DPH2: variants seen among roughly 807,000 people sequenced by gnomAD.
DPH2 encodes 2-(3-amino-3-carboxypropyl)histidine synthase subunit 2.
In DPH2, 28 loss-of-function variants were observed where a neutral mutation model predicts 42.5. That is an observed-to-expected ratio of 0.66 (90% CI 0.49 to 0.90). The LOEUF is 0.90. Among genes scored for constraint, DPH2 ranks in the 40% least tolerant of loss-of-function variants. The pLI is 0.00. For synonymous variants in DPH2, 279 were observed against 264.4 expected, an observed-to-expected ratio of 1.06 and a Z score of -0.53; for missense variants, 576 against 636.0, an observed-to-expected ratio of 0.91 and a Z score of 1.01.
In DPH2 at chr1:43,970,289, C is replaced by G. The variant is rs2085392073; in HGVS notation, c.114C>G (p.Val38=). 1 of 1,614,182 alleles carries G rather than the reference C, an allele frequency of 6.2e-7. No individual in the cohort carries two copies. The change falls in exon 1 of 6, where the codon GTC becomes GTG. Residue 38 remains valine (V), a synonymous_variant. Transcript: ENST00000255108. ...ACGGAGTGTACGAGCTGGAGCGAGT[C>G]GCTGGATTTGTCCGCGACCTGGGGT... is the stretch of plus-strand genomic sequence containing the variant. ...DLDGVYELER[V]AGFVRDLGCE... is the part of the protein sequence containing the mutation.
rs1248341715 is a variant in DPH2, at chr1:43,970,956, T to C, written c.261-10T>C. The C allele has an allele frequency of 6.4e-7, 1 of 1,568,572 alleles. No homozygotes were observed. Among genetic ancestry groups the C allele is most frequent in the East Asian group, 2.3e-5 (1 of 42,944 alleles). On this transcript the variant is annotated splice_polypyrimidine_tract_variant and intron_variant, in intron 2 of 5. Coordinates refer to ENST00000255108, the MANE Select transcript of DPH2 (RefSeq NM_001384.5). ...GAGAACCCATTTCTCTGATGCTATC[T>C]TCCCTGCAGCTGCTGCGTGGATGTG...
chr1:43,972,300 G>A lies in DPH2; in HGVS notation c.1311G>A (p.Arg437=), dbSNP rs754556372. The A allele has an allele frequency of 1.9e-6, 3 of 1,614,108 alleles. No homozygotes were observed. The highest frequency in any genetic ancestry group is 4.5e-5 in the East Asian group (2 of 44,890). ...ATGGAAGCTTGGCTCTGACCCCACG[G>A]CCCCAGCTGGAGCTGGCTGAGAGCA... ...NDHGSLALTP[R]PQLELAESSP... is the part of the protein sequence containing the mutation. Residue 437 remains arginine (R), a synonymous_variant, in exon 5 of 6, where the codon CGG becomes CGA. Transcript: ENST00000255108.
Position 43,971,053 on chromosome 1 carries a change from C to A in DPH2, c.348C>A (p.Arg116=). Residue 116 remains arginine, a synonymous_variant, in exon 3 of 6, where the codon CGC becomes CGA. Coordinates refer to ENST00000255108, the MANE Select transcript of DPH2 (RefSeq NM_001384.5). The stretch of plus-strand genomic sequence containing the variant: ...CTGCCTGCTTAAGCCCTCCAGCCCG[C>A]CCACTGCCCGTTGCCTTCGTGCTTC... ...FGPACLSPPA[R]PLPVAFVLRQ... The A allele has an allele frequency of 6.3e-7, 1 of 1,575,994 alleles. No individual in the cohort carries two copies. Among genetic ancestry groups the A allele is most frequent in the Admixed American group, 1.9e-5 (1 of 53,744 alleles).
Position 43,971,183 on chromosome 1 carries a change from G to A in DPH2, c.478G>A (p.Ala160Thr), listed in dbSNP as rs796905535. ...GCTGAGTGAGCCGGCCTGTGCCCAT[G>A]CCCTGGGTAAGGGGTTTTGCCTGTG... Reference protein sequence around the residue: ...VLLSEPACAHALEALATLLRP... With the variant: ...VLLSEPACAHTLEALATLLRP... Residue 160 changes from alanine to threonine, a missense_variant, in exon 3 of 6, where the codon GCC (alanine) becomes ACC (threonine). Ala to Thr is a moderately conservative substitution (Grantham distance 58, BLOSUM62 0). Transcript: ENST00000255108. 1.3e-6 allele frequency: 2 copies of A among 1,553,960 alleles called. No homozygotes were observed. Among genetic ancestry groups the A allele is most frequent in the Non-Finnish European group, 1.7e-6 (2 of 1,147,950 alleles).
rs1364730673 is a variant in DPH2 at position 43,970,032 on chromosome 1, G to C, written c.-144G>C. 4 of 908,412 alleles carry C rather than the reference G, an allele frequency of 4.4e-6. No individual in the cohort carries two copies. The highest frequency in any genetic ancestry group is 1.7e-5 in the South Asian group (1 of 58,408). 56.3% of individuals were successfully genotyped at this position (908,412 alleles called of 1,614,324 possible). A position where few individuals can be genotyped will look rare whatever the true frequency, so the allele number is the denominator to read the frequency against. Reference sequence around the variant, plus strand: ...AACAGTAGTTAGGATGGCTGAAGGGGATACTCACCGGCTGAAGGCCGACTG... The same window carrying C: ...AACAGTAGTTAGGATGGCTGAAGGGCATACTCACCGGCTGAAGGCCGACTG... On this transcript the variant is annotated 5_prime_UTR_variant, in exon 1 of 6. Coordinates refer to ENST00000255108, the MANE Select transcript of DPH2 (RefSeq NM_001384.5).
chr1:43,971,195 G>C lies in DPH2; in HGVS notation c.484+6G>C. On this transcript the variant is annotated splice_donor_region_variant and intron_variant, in intron 3 of 5. Transcript: ENST00000255108. ...GGCCTGTGCCCATGCCCTGGGTAAG[G>C]GGTTTTGCCTGTGTATGCACAAAGG... 1 of 1,551,614 alleles carries C rather than the reference G, an allele frequency of 6.4e-7. No individual in the cohort carries two copies. Among genetic ancestry groups the C allele is most frequent in the South Asian group, 1.2e-5 (1 of 84,442 alleles).
chr1:43,972,593 T>C lies in DPH2; in HGVS notation c.*54T>C, dbSNP rs1224933289. The C allele has an allele frequency of 1.9e-6, 3 of 1,605,318 alleles. No homozygotes were observed. In the East Asian group the frequency reaches 6.7e-5, roughly 36 times the overall value. ...ACTTATGAATGGCTGCTAGGACCTT[T>C]AGTGCTCCCTGCACCAACCTCCCAT... On this transcript the variant is annotated 3_prime_UTR_variant, in exon 6 of 6. Coordinates refer to ENST00000255108, the MANE Select transcript of DPH2 (RefSeq NM_001384.5).
chr1:43,972,611 C>A lies in DPH2; in HGVS notation c.*72C>A. On this transcript the variant is annotated 3_prime_UTR_variant, in exon 6 of 6. Transcript: ENST00000255108. Reference sequence around the variant, plus strand: ...GGACCTTTAGTGCTCCCTGCACCAACCTCCCATCCCCCTGCCAAGATCCTT... The same window carrying A: ...GGACCTTTAGTGCTCCCTGCACCAAACTCCCATCCCCCTGCCAAGATCCTT... 1.3e-6 allele frequency: 2 copies of A among 1,580,280 alleles called. No homozygotes were observed. Among genetic ancestry groups the A allele is most frequent in the Non-Finnish European group, 8.6e-7 (1 of 1,160,072 alleles).
At chr1:43,971,239 G>T (rs752386173) in intron 3 of DPH2, 50 bp downstream of exon 3, 1 of 1,534,240 alleles carries the variant, frequency 6.5e-7, no homozygotes, top group South Asian at 1.2e-5. Flanking sequence ...ACTGCTTTAT[G>T]CCTTAATTTC....
rs374553539 is a variant in DPH2 at position 43,971,012 on chromosome 1, C to T, written c.307C>T (p.Leu103Phe). 5.0e-6 allele frequency: 8 copies of T among 1,586,176 alleles called. No homozygotes were observed. The highest frequency in any genetic ancestry group is 2.7e-5 in the African/African-American group (2 of 74,620). ...LGAEQAGAQA[L>F]IHFGPACLSP... is the part of the protein sequence containing the mutation. ...TGCTGAGCAAGCTGGAGCTCAGGCTCTCATACATTTTGGCCCTGCCTGCTT... is the reference window on the plus strand; with the variant it reads ...TGCTGAGCAAGCTGGAGCTCAGGCTTTCATACATTTTGGCCCTGCCTGCTT... Residue 103 changes from leucine (L) to phenylalanine (F), a missense_variant, in exon 3 of 6, where the codon CTC (leucine) becomes TTC (phenylalanine). By Grantham distance (22) the Leu-to-Phe change is conservative. Transcript: ENST00000255108.
Position 43,971,196 on chromosome 1 carries a change from G to A in DPH2, c.484+7G>A. The A allele has an allele frequency of 1.9e-6, 3 of 1,551,282 alleles. No homozygotes were observed. In the East Asian group the frequency reaches 7.3e-5, roughly 38 times the overall value. On this transcript the variant is annotated splice_region_variant and intron_variant, in intron 3 of 5. Coordinates refer to ENST00000255108, the MANE Select transcript of DPH2 (RefSeq NM_001384.5). The stretch of plus-strand genomic sequence containing the variant: ...GCCTGTGCCCATGCCCTGGGTAAGG[G>A]GTTTTGCCTGTGTATGCACAAAGGG...
rs1452205406 is a variant in DPH2 at position 43,972,348 on chromosome 1, T to G, written c.1345+14T>G. ...GCAGTCCTGCAGGTAAATGTACAAG[T>G]CTCCACTCCCAGCTGAGCTTTTTCT... On this transcript the variant is annotated intron_variant, in intron 5 of 5. Transcript: ENST00000255108. The G allele has an allele frequency of 1.9e-6, 3 of 1,613,488 alleles. No individual in the cohort carries two copies. The highest frequency in any genetic ancestry group is 2.5e-6 in the Non-Finnish European group (3 of 1,179,606).
rs778150713 is a variant in DPH2 at position 43,971,633 on chromosome 1, G to A, written c.731G>A (p.Gly244Asp). ...LSRLLLGWAP[G>D]QPFSSCCPDT... Reference sequence around the variant, plus strand: ...CGGCTGCTCTTGGGGTGGGCACCAGGTCAACCCTTCTCCTCCTGCTGTCCA... The same window carrying A: ...CGGCTGCTCTTGGGGTGGGCACCAGATCAACCCTTCTCCTCCTGCTGTCCA... The change falls in exon 4 of 6, where the codon GGT becomes GAT. Residue 244 changes from glycine to aspartate, a missense_variant. Coordinates refer to ENST00000255108, the MANE Select transcript of DPH2 (RefSeq NM_001384.5). The A allele has an allele frequency of 6.2e-7, 1 of 1,614,170 alleles. No individual in the cohort carries two copies. Among genetic ancestry groups the A allele is most frequent in the South Asian group, 1.1e-5 (1 of 91,082 alleles).
intron 3 of DPH2, 52 bp from the exon 4 acceptor site, chr1:43,971,335 G>A: frequency 2.6e-6 from 4 of 1,538,282 alleles, no homozygotes; most frequent in South Asian, 1.3e-5. Context: ...GGGGATGAGG[G>A]AGCTCCTGCT....
Position 43,970,218 on chromosome 1 carries a change from CGA to C in DPH2, c.48_49del (p.Glu16AspfsTer32). 1.2e-6 allele frequency: 2 copies of C among 1,614,220 alleles called. No homozygotes were observed. The highest frequency in any genetic ancestry group is 1.7e-6 in the Non-Finnish European group (2 of 1,180,042). On this transcript the variant is annotated frameshift_variant, in exon 1 of 6. Coordinates refer to ENST00000255108, the MANE Select transcript of DPH2 (RefSeq NM_001384.5). LOFTEE classifies it high-confidence loss of function. ...CAGCCCTGCCGAGGCGGCGCTGCAG[CGA>C]GAGACCGGGGTGCCAGGACTGCTTA... ...FSSPAEAALQ[R>X]ETGVPGLLTP...
chr1:43,972,412 C>G lies in DPH2; in HGVS notation c.1346-3C>G. ...ACTCAGACTGAGCCCCCTCCCTCTA[C>G]AGCCTCATTCCTTAGTTCCCGGAGC... On this transcript the variant is annotated splice_polypyrimidine_tract_variant and splice_region_variant and intron_variant, in intron 5 of 5. Coordinates refer to ENST00000255108, the MANE Select transcript of DPH2 (RefSeq NM_001384.5). The G allele has an allele frequency of 6.2e-7, 1 of 1,614,216 alleles. No homozygotes were observed. Among genetic ancestry groups the G allele is most frequent in the African/African-American group, 1.3e-5 (1 of 75,082 alleles).
In DPH2 at chr1:43,971,524, G is replaced by A. The variant is rs755458387; in HGVS notation, c.622G>A (p.Gly208Arg). Residue 208 changes from glycine to arginine, a missense_variant, in exon 4 of 6, where the codon GGG becomes AGG. Coordinates refer to ENST00000255108, the MANE Select transcript of DPH2 (RefSeq NM_001384.5). ...RFGRRFPLAP[G>R]RRLEEYGAFY... ...TGGGCGCCGCTTCCCCCTTGCCCCA[G>A]GGAGGCGTCTAGAAGAGTATGGTGC... 5 of 1,614,122 alleles carry A rather than the reference G, an allele frequency of 3.1e-6. No homozygotes were observed. Among genetic ancestry groups the A allele is most frequent in the Non-Finnish European group, 3.4e-6 (4 of 1,180,048 alleles).
rs555689023 is a variant in DPH2 at position 43,970,739 on chromosome 1, TG to T, written c.260+35del. ...AACTTGGCCTTAGGTGGGCCAGGCCTGGGGATCCGGGGCTCATGGGGTTTTA... is the reference window on the plus strand; with the variant it reads ...AACTTGGCCTTAGGTGGGCCAGGCCTGGGATCCGGGGCTCATGGGGTTTTA... On this transcript the variant is annotated intron_variant, in intron 2 of 5. Coordinates refer to ENST00000255108, the MANE Select transcript of DPH2 (RefSeq NM_001384.5). The T allele has an allele frequency of 2.2e-4, 345 of 1,594,016 alleles. 3 individuals carry two copies. In the African/African-American group the frequency reaches 4.1e-3, roughly 19 times the overall value.
Position 43,971,844 on chromosome 1 carries a change from C to G in DPH2, c.942C>G (p.Ser314Arg), listed in dbSNP as rs2085435673. Residue 314 changes from serine to arginine, a missense_variant, in exon 4 of 6, where the codon AGC (serine) becomes AGG (arginine). By Grantham distance (110) the Ser-to-Arg change is moderately radical. This residue lies in a region of DPH2 where 395 missense variants were observed against 435.2 expected (regional missense o/e 0.91). Coordinates refer to ENST00000255108, the MANE Select transcript of DPH2 (RefSeq NM_001384.5). The stretch of plus-strand genomic sequence containing the variant: ...TGACTCAGGCTGCTGGCAAGCGTAG[C>G]TATGTGTTGGCCCTGGGGCGGCCCA... ...RNLTQAAGKR[S>R]YVLALGRPTP... 6.2e-7 allele frequency: 1 copy of G among 1,613,728 alleles called. No homozygotes were observed. Among genetic ancestry groups the G allele is most frequent in the African/African-American group, 1.3e-5 (1 of 74,938 alleles).
Sources: allele counts gnomAD v4.1 joint callset, GRCh38; gene constraint gnomAD v4.1.1; regional missense constraint gnomAD v4.1.1; transcripts MANE v1.5; gene names NCBI Gene and HGNC (gene_info 2026-07-23, HGNC 2026-07-21).